RIPOR1: variants seen among roughly 807,000 people sequenced by gnomAD.
RIPOR1 encodes RHO family interacting cell polarization regulator 1, also known as rho family-interacting cell polarization regulator 1.
In RIPOR1, 58 loss-of-function variants were observed where a neutral mutation model predicts 116.5. The ratio of observed to expected loss-of-function variants is 0.50; its 90% CI spans 0.40 to 0.62. The LOEUF is 0.62. RIPOR1 is among the 20% of genes least tolerant of loss of function. The pLI is 0.00. For missense variants in RIPOR1, 1,372 were observed against 1,586.2 expected (o/e 0.86, Z 2.29); for synonymous variants, 605 against 650.0 (o/e 0.93, Z 1.05).
In RIPOR1 at chr16:67,542,114, C is replaced by A; in HGVS notation, c.1328C>A (p.Pro443His). The part of the protein sequence containing the change: ...VAPVLANGHA[P>H]YSRTLSHISE... Reference sequence around the variant, plus strand: ...CCAGTCCTGGCAAATGGGCATGCACCCTACAGTCGGACTCTGAGCCACATC... The same window carrying A: ...CCAGTCCTGGCAAATGGGCATGCACACTACAGTCGGACTCTGAGCCACATC... Residue 443 changes from proline (P) to histidine (H), a missense_variant, in exon 13 of 22, where the codon CCC becomes CAC. Physicochemically the swap from Pro to His is moderately conservative, Grantham distance 77. This residue lies in a region of RIPOR1 where 1,005 missense variants were observed against 1,144.7 expected (regional missense o/e 0.88). Transcript: ENST00000042381. This position sits in a 1 kb window ranked among gnomAD's most constrained non-coding sequence, Gnocchi z 4.6. 1 of 1,613,094 alleles carries A rather than the reference C, an allele frequency of 6.2e-7. No individual in the cohort carries two copies. Among genetic ancestry groups the A allele is most frequent in the African/African-American group, 1.3e-5 (1 of 75,018 alleles).
At chr16:67,521,914 C>T (rs912366997) in intron 1 of RIPOR1, among the ~76,000 whole-genome samples, 1 of 152,224 alleles carries the variant, frequency 6.6e-6, no homozygotes, top group Non-Finnish European at 1.5e-5. Flanking sequence ...GAAAGTACAA[C>T]GCCCAGAGAT....
chr16:67,522,421 C>T (rs1246278324), intron 1 of RIPOR1, among the ~76,000 whole-genome samples: 5 of 151,760 alleles, frequency 3.3e-5, no homozygotes, highest in Non-Finnish European at 5.9e-5. Context: ...AGGCTGGTCT[C>T]GAACTCCTGA....
In RIPOR1 at chr16:67,541,895, A is replaced by G. The variant is rs762044242; in HGVS notation, c.1109A>G (p.Glu370Gly). 2 of 1,609,920 alleles carry G rather than the reference A, an allele frequency of 1.2e-6. No individual in the cohort carries two copies. The highest frequency in any genetic ancestry group is 2.2e-5 in the South Asian group (2 of 91,022). The change falls in exon 13 of 22, where the codon GAG (glutamate) becomes GGG (glycine). Residue 370 changes from glutamate to glycine, a missense_variant. By Grantham distance (98) the Glu-to-Gly change is moderately conservative. Transcript: ENST00000042381. This position sits in a 1 kb window ranked among gnomAD's most constrained non-coding sequence, Gnocchi z 4.6. ...ATGCTGCGACGGCAGGAGGAGCTGGAGAATGGGACAGCATGGTCCCTGTCA... is the reference window on the plus strand; with the variant it reads ...ATGCTGCGACGGCAGGAGGAGCTGGGGAATGGGACAGCATGGTCCCTGTCA... ...YNMLRRQEELENGTAWSLSSE... is the reference protein window; with the variant it reads ...YNMLRRQEELGNGTAWSLSSE...
chr16:67,529,737 A>G lies in RIPOR1; in HGVS notation c.-24+823A>G. Reference sequence around the variant, plus strand: ...GCACCTACTGTGCGCAGCCTCGTGTAACAATACTTGTGCCCTGGCTGCAGT... The same window carrying G: ...GCACCTACTGTGCGCAGCCTCGTGTGACAATACTTGTGCCCTGGCTGCAGT... On this transcript the variant is annotated intron_variant, in intron 1 of 21. Coordinates refer to ENST00000042381, the MANE Select transcript of RIPOR1 (RefSeq NM_024519.4). The surrounding 1 kb of genome is among the most constrained non-coding windows in gnomAD (Gnocchi z 4.1). 1.3e-6 allele frequency: 2 copies of G among 1,532,786 alleles called. No individual in the cohort carries two copies. The highest frequency in any genetic ancestry group is 1.7e-6 in the Non-Finnish European group (2 of 1,145,856). The allele number at this position is 1,532,786 out of a possible 1,614,324, so 94.9% of individuals were successfully genotyped here.
rs2051087154 is a variant in RIPOR1 at position 67,544,129 on chromosome 16, G to A, written c.2601-170G>A. Among the ~76,000 whole-genome samples the A allele has an allele frequency of 6.6e-6, 1 of 152,142 alleles. No homozygotes were observed. The highest frequency in any genetic ancestry group is 2.1e-4 in the South Asian group (1 of 4,830). ...CCAGAGATCCCTACTACCACCTGCTGGTCCCAGCCCCTTCCTCCTTCTGGA... is the reference window on the plus strand; with the variant it reads ...CCAGAGATCCCTACTACCACCTGCTAGTCCCAGCCCCTTCCTCCTTCTGGA... On this transcript the variant is annotated intron_variant, in intron 14 of 21. Coordinates refer to ENST00000042381, the MANE Select transcript of RIPOR1 (RefSeq NM_024519.4). The surrounding 1 kb of genome is among the most constrained non-coding windows in gnomAD (Gnocchi z 5.1).
upstream of RIPOR1, chr16:67,528,421 G>A (rs1250227339): frequency 1.3e-5 from 2 of 152,198 alleles, no homozygotes; most frequent in African/African-American, 4.8e-5. Context: ...GGTGCCAGGC[G>A]GCTTCTGGAC....
At position 67,544,379 on chromosome 16, in the gene RIPOR1, C is replaced by A; in HGVS notation, c.2681C>A (p.Ala894Asp). ...CGCCCCCTCAGCACGGGGTGTCCAG[C>A]TCTGGATGCTGCCTTGGTCCGGCAC... ...SARPLSTGCP[A>D]LDAALVRHLY... Residue 894 changes from alanine to aspartate, a missense_variant, in exon 15 of 22, where the codon GCT (alanine) becomes GAT (aspartate). Physicochemically the swap from Ala to Asp is moderately radical, Grantham distance 126. This residue lies in a region of RIPOR1 where 1,005 missense variants were observed against 1,144.7 expected (regional missense o/e 0.88). Coordinates refer to ENST00000042381, the MANE Select transcript of RIPOR1 (RefSeq NM_024519.4). This position sits in a 1 kb window ranked among gnomAD's most constrained non-coding sequence, Gnocchi z 5.1. The A allele has an allele frequency of 1.2e-6, 2 of 1,613,228 alleles. No individual in the cohort carries two copies. The highest frequency in any genetic ancestry group is 8.5e-7 in the Non-Finnish European group (1 of 1,179,848).
chr16:67,543,044 G>T lies in RIPOR1; in HGVS notation c.2258G>T (p.Ser753Ile). ...TCAGAGTCTACGGTTCAGAGTCTAA[G>T]CCCCACTCCCTCACCCCCAACCCCT... ...DPSESTVQSLSPTPSPPTPAP... is the reference protein window; with the variant it reads ...DPSESTVQSLIPTPSPPTPAP... The change falls in exon 13 of 22, where the codon AGC becomes ATC. Residue 753 changes from serine (S) to isoleucine (I), a missense_variant. Coordinates refer to ENST00000042381, the MANE Select transcript of RIPOR1 (RefSeq NM_024519.4). This position sits in a 1 kb window ranked among gnomAD's most constrained non-coding sequence, Gnocchi z 4.7. 1 of 1,529,856 alleles carries T rather than the reference G, an allele frequency of 6.5e-7. No homozygotes were observed. The allele number at this position is 1,529,856 out of a possible 1,614,324, so 94.8% of individuals were successfully genotyped here. A position where few individuals can be genotyped will look rare whatever the true frequency, so the allele number is the denominator to read the frequency against.
chr16:67,543,267 G>A lies in RIPOR1; in HGVS notation c.2478+3G>A. 1.2e-6 allele frequency: 2 copies of A among 1,602,074 alleles called. No homozygotes were observed. Among genetic ancestry groups the A allele is most frequent in the Middle Eastern group, 1.7e-4 (1 of 6,026 alleles). On this transcript the variant is annotated splice_donor_region_variant and intron_variant, in intron 13 of 21. Transcript: ENST00000042381. This position sits in a 1 kb window ranked among gnomAD's most constrained non-coding sequence, Gnocchi z 4.7. ...CCCGCCTAGAAAGTCTGCTCATGGTGAGGAGGGCTGGGCTGGGCTAGGGCA... is the reference window on the plus strand; with the variant it reads ...CCCGCCTAGAAAGTCTGCTCATGGTAAGGAGGGCTGGGCTGGGCTAGGGCA...
At chr16:67,521,192 C>T (rs755295368) in intron 1 of RIPOR1, among the ~76,000 whole-genome samples, 1 of 152,194 alleles carries the variant, frequency 6.6e-6, no homozygotes, top group African/African-American at 2.4e-5. Context: ...GCCAGGGGCA[C>T]CCCCTTGAGC....
Position 67,537,855 on chromosome 16 carries a change from C to T in RIPOR1, c.-23-569C>T, listed in dbSNP as rs1275744696. 6.6e-6 allele frequency among the ~76,000 whole-genome samples: 1 copy of T among 151,988 alleles called. No individual in the cohort carries two copies. The highest frequency in any genetic ancestry group is 1.5e-5 in the Non-Finnish European group (1 of 67,954). ...CCCCTGCCTGGAGGGCGCCGGGACG[C>T]CCGGGCCGGTGGGGGCTGGGGGCAG... On this transcript the variant is annotated intron_variant, in intron 1 of 21. Coordinates refer to ENST00000042381, the MANE Select transcript of RIPOR1 (RefSeq NM_024519.4). This position sits in a 1 kb window ranked among gnomAD's most constrained non-coding sequence, Gnocchi z 4.6.
Position 67,540,287 on chromosome 16 carries a change from C to CCTGACCT in RIPOR1, c.568-12_568-11insTGACCTC. 6.2e-7 allele frequency: 1 copy of CCTGACCT among 1,613,970 alleles called. No homozygotes were observed. Among genetic ancestry groups the CCTGACCT allele is most frequent in the Non-Finnish European group, 8.5e-7 (1 of 1,179,944 alleles). ...GCCCTTGACCCCCTCCTGTCCCTGC[C>CCTGACCT]CCTCCCTCCCAGAGCATGTGTCTGC... is the stretch of plus-strand genomic sequence containing the variant. On this transcript the variant is annotated splice_polypyrimidine_tract_variant and intron_variant, in intron 7 of 21. Coordinates refer to ENST00000042381, the MANE Select transcript of RIPOR1 (RefSeq NM_024519.4). The surrounding 1 kb of genome is among the most constrained non-coding windows in gnomAD (Gnocchi z 4.7).
Position 67,530,100 on chromosome 16 carries a change from AGGGGTCT to A in RIPOR1, c.-24+1190_-24+1196del. ...AGAGAGGAGCAAGGTGAGCCGCCCC[AGGGGTCT>A]GGGTTTGGGTGCGGGTGAGGGGAGG... On this transcript the variant is annotated intron_variant, in intron 1 of 21. Transcript: ENST00000042381. This position sits in a 1 kb window ranked among gnomAD's most constrained non-coding sequence, Gnocchi z 4.5. 1.7e-6 allele frequency: 1 copy of A among 586,354 alleles called. No individual in the cohort carries two copies. The highest frequency in any genetic ancestry group is 2.9e-5 in the East Asian group (1 of 34,682). 36.3% of individuals were successfully genotyped at this position (586,354 alleles called of 1,614,324 possible).
At chr16:67,527,883 A>C (rs1444708746), upstream of RIPOR1, among the ~76,000 whole-genome samples, 3 of 151,596 alleles carry the variant, frequency 2.0e-5, no homozygotes, top group Non-Finnish European at 4.4e-5. Context: ...CCGACCAAAC[A>C]AAACCAAGCA....
upstream of RIPOR1, chr16:67,528,638 C>T (rs2050570624): frequency 6.6e-6 from 1 of 152,404 alleles, no homozygotes; most frequent in African/African-American, 2.4e-5. Context: ...CCTCACATCC[C>T]CCAGGGTCTG....
At position 67,539,007 on chromosome 16, in the gene RIPOR1, A is replaced by G; in HGVS notation, c.275A>G (p.His92Arg). The G allele has an allele frequency of 6.2e-7, 1 of 1,613,788 alleles. No homozygotes were observed. Among genetic ancestry groups the G allele is most frequent in the Non-Finnish European group, 8.5e-7 (1 of 1,179,928 alleles). Reference sequence around the variant, plus strand: ...TTCCTCAGGGCCTACTTGGAAGTGCACCAGCAGGAGCAAGAGAAACTCCAG... The same window carrying G: ...TTCCTCAGGGCCTACTTGGAAGTGCGCCAGCAGGAGCAAGAGAAACTCCAG... ...KRGLTAYLEVHQQEQEKLQGQ... is the reference protein window; with the variant it reads ...KRGLTAYLEVRQQEQEKLQGQ... Residue 92 changes from histidine (H) to arginine (R), a missense_variant, in exon 4 of 22, where the codon CAC becomes CGC. Physicochemically the swap from His to Arg is conservative, Grantham distance 29. Around this residue, in one of 3 missense-constraint regions of RIPOR1, gnomAD observed 165 missense variants for 145.5 expected, o/e 1.13. Transcript: ENST00000042381.
In RIPOR1 at chr16:67,543,366, C is replaced by T. The variant is rs994780204; in HGVS notation, c.2497C>T (p.Arg833Cys). Residue 833 changes from arginine to cysteine, a missense_variant, in exon 14 of 22, where the codon CGC (arginine) becomes TGC (cysteine). By Grantham distance (180) the Arg-to-Cys change is radical. Around this residue, in one of 3 missense-constraint regions of RIPOR1, gnomAD observed 1,005 missense variants for 1,144.7 expected, o/e 0.88. Transcript: ENST00000042381. The surrounding 1 kb of genome is among the most constrained non-coding windows in gnomAD (Gnocchi z 4.7). The part of the protein sequence containing the change: ...SLLMQRQGLT[R>C]SRASSLSITV... ...ACCTCAGCAGAGACAAGGTCTGACT[C>T]GCAGCCGGGCCTCCAGTCTCAGCAT... 1.3e-5 allele frequency: 21 copies of T among 1,603,904 alleles called. No individual in the cohort carries two copies. Among genetic ancestry groups the T allele is most frequent in the Admixed American group, 3.4e-5 (2 of 58,378 alleles).
At position 67,540,385 on chromosome 16, in the gene RIPOR1, T is replaced by TG. The variant is rs749356795; in HGVS notation, c.631+28dup. ...AAAGGTACTGAGTTGTGGGGGCAGGTGGGGGGCTGGAGGGAGTATGCTGAA... is the reference window on the plus strand; with the variant it reads ...AAAGGTACTGAGTTGTGGGGGCAGGTGGGGGGGCTGGAGGGAGTATGCTGAA... On this transcript the variant is annotated intron_variant, in intron 8 of 21. Coordinates refer to ENST00000042381, the MANE Select transcript of RIPOR1 (RefSeq NM_024519.4). This position sits in a 1 kb window ranked among gnomAD's most constrained non-coding sequence, Gnocchi z 4.7. 1.9e-5 allele frequency: 31 copies of TG among 1,613,882 alleles called. No individual in the cohort carries two copies. The East Asian group carries it at 6.0e-4, about 31-fold the overall frequency.
chr16:67,533,584 A>G (rs1274891958), intron 1 of RIPOR1, among the ~76,000 whole-genome samples: 1 of 151,956 alleles, frequency 6.6e-6, no homozygotes, highest in Non-Finnish European at 1.5e-5. Flanking sequence ...CAAGCAGGAT[A>G]AGGATAAAAC....
Sources: gnomAD v4.1 joint callset for allele counts (sites outside exome capture counted in the v4.1 genomes callset) on GRCh38, gnomAD v4.1.1 for gene constraint, gnomAD v4.1.1 regional missense constraint, Gnocchi (gnomAD v3.1) non-coding constraint, MANE v1.5 for transcripts, NCBI Gene and HGNC (gene_info 2026-07-23, HGNC 2026-07-21) for gene names.